C20orf96: variants seen among roughly 807,000 people sequenced by gnomAD.
C20orf96 encodes the protein chromosome 20 open reading frame 96.
In C20orf96, 57 loss-of-function variants were observed where a neutral mutation model predicts 52.6. The observed-to-expected ratio is 1.08, with a 90% CI of 0.88 to 1.35. C20orf96 has a LOEUF of 1.35. C20orf96 is among the 40% of genes most tolerant of loss of function. C20orf96 has a pLI of 0.00. For synonymous variants in C20orf96, 168 were observed against 157.2 expected, an observed-to-expected ratio of 1.07 and a Z score of -0.51; for missense variants, 478 against 443.6, an observed-to-expected ratio of 1.08 and a Z score of -0.70.
intron 10 of C20orf96, among the ~76,000 whole-genome samples, chr20:274,079 C>A (rs1417716024): frequency 6.6e-6 from 1 of 152,086 alleles, no homozygotes; most frequent in Non-Finnish European, 1.5e-5. Flanking sequence ...AATGTAGATT[C>A]ATGAGCCCCA....
At chr20:282,877 A>C (rs967087207) in intron 4 of C20orf96, among the ~76,000 whole-genome samples, 6 of 152,194 alleles carry the variant, frequency 3.9e-5, no homozygotes, top group Admixed American at 1.3e-4. Flanking sequence ...GTCTCAAAAA[A>C]AAATTTTTTT....
In C20orf96 at chr20:277,258, G is replaced by C. The variant is rs147158424; in HGVS notation, c.691C>G (p.Arg231Gly). 6.2e-7 allele frequency: 1 copy of C among 1,614,160 alleles called. No individual in the cohort carries two copies. The highest frequency in any genetic ancestry group is 1.1e-5 in the South Asian group (1 of 91,092). ...CTGTCCTTAACCTGCTGCAGCTGGCGCATAAGAGTGGAGATCTGGACAGAC... is the reference window on the plus strand; with the variant it reads ...CTGTCCTTAACCTGCTGCAGCTGGCCCATAAGAGTGGAGATCTGGACAGAC... ...IKSVQISTLM[R>G]QLQQVKDSQQ... Residue 231 changes from arginine (R) to glycine (G), a missense_variant, in exon 7 of 11, where the codon CGC becomes GGC. Physicochemically the swap from Arg to Gly is moderately radical, Grantham distance 125. Coordinates refer to ENST00000360321, the MANE Select transcript of C20orf96 (RefSeq NM_153269.3).
chr20:282,261 T>C (rs191238798), intron 4 of C20orf96, among the ~76,000 whole-genome samples: 1 of 152,312 alleles, frequency 6.6e-6, no homozygotes, highest in Admixed American at 6.5e-5. Flanking sequence ...CCTAACCTTA[T>C]TCTTAGGCTT....
Position 289,616 on chromosome 20 carries a change from G to T in C20orf96, c.130C>A (p.Gln44Lys). The change falls in exon 3 of 11, where the codon CAA (glutamine) becomes AAA (lysine). Residue 44 changes from glutamine (Q) to lysine (K), a missense_variant. Physicochemically the swap from Gln to Lys is moderately conservative, Grantham distance 53. Transcript: ENST00000360321. ...ETKPSTLPPVQQANSLHTSKM... is the reference protein window; with the variant it reads ...ETKPSTLPPVKQANSLHTSKM... ...CTTGTATGAAGGCTGTTGGCTTGTT[G>T]GACTGGAGGCAGAGTAGATGGCTTG... 6.2e-7 allele frequency: 1 copy of T among 1,614,052 alleles called. No homozygotes were observed. Among genetic ancestry groups the T allele is most frequent in the Non-Finnish European group, 8.5e-7 (1 of 1,179,970 alleles).
intron 6 of C20orf96, 123 bp downstream of exon 6, chr20:278,207 C>T: frequency 1.3e-6 from 1 of 765,842 alleles, no homozygotes; most frequent in Non-Finnish European, 2.4e-6. Context: ...GCATTCCCAT[C>T]TGCCAAGAAG....
At chr20:288,120 T>A (rs1400143729) in intron 3 of C20orf96, among the ~76,000 whole-genome samples, 1 of 150,982 alleles carries the variant, frequency 6.6e-6, no homozygotes, top group Non-Finnish European at 1.5e-5. Flanking sequence ...TTTTATTTTA[T>A]CTTTGAGCTA....
intron 2 of C20orf96, among the ~76,000 whole-genome samples, 163 bp from the exon 3 acceptor site, chr20:289,839 G>A (rs183288558): frequency 1.1e-3 from 167 of 152,278 alleles, no homozygotes; most frequent in Non-Finnish European, 1.9e-3. Context: ...GTGGATTGGC[G>A]CAAGAATTCT....
At chr20:275,680 G>A (rs1329228898) in intron 10 of C20orf96, among the ~76,000 whole-genome samples, 2 of 152,190 alleles carry the variant, frequency 1.3e-5, no homozygotes, top group Non-Finnish European at 2.9e-5. Context: ...AGAAGTGGAA[G>A]GCTGTACCCA....
chr20:289,654 G>A lies in C20orf96; in HGVS notation c.92C>T (p.Ser31Phe). ...AGTAGATGGCTTGGTTTCCTGCTTGGACTGCTGCCATGGAACATAATCCTA... is the reference window on the plus strand; with the variant it reads ...AGTAGATGGCTTGGTTTCCTGCTTGAACTGCTGCCATGGAACATAATCCTA... ...QVPDYVPWQQ[S>F]KQETKPSTLP... is the part of the protein sequence containing the mutation. The change falls in exon 3 of 11, where the codon TCC becomes TTC. Residue 31 changes from serine (S) to phenylalanine (F), a missense_variant. Physicochemically the swap from Ser to Phe is radical, Grantham distance 155. Coordinates refer to ENST00000360321, the MANE Select transcript of C20orf96 (RefSeq NM_153269.3). The A allele has an allele frequency of 6.2e-7, 1 of 1,613,852 alleles. No individual in the cohort carries two copies. The highest frequency in any genetic ancestry group is 8.5e-7 in the Non-Finnish European group (1 of 1,179,822).
chr20:274,559 T>C (rs755303670), intron 10 of C20orf96, among the ~76,000 whole-genome samples: 15 of 152,260 alleles, frequency 9.9e-5, no homozygotes, highest in Admixed American at 2.6e-4. Context: ...CTGGCCCACA[T>C]GCACCTTACC....
At position 283,951 on chromosome 20, in the gene C20orf96, T is replaced by C. The variant is rs2122301670; in HGVS notation, c.306+12A>G. 1 of 1,578,438 alleles carries C rather than the reference T, an allele frequency of 6.3e-7. No individual in the cohort carries two copies. Among genetic ancestry groups the C allele is most frequent in the Non-Finnish European group, 8.7e-7 (1 of 1,147,424 alleles). On this transcript the variant is annotated intron_variant, in intron 4 of 10. Coordinates refer to ENST00000360321, the MANE Select transcript of C20orf96 (RefSeq NM_153269.3). ...TCCTGGGCCCAGTGTCCAGGGAAGA[T>C]GTGCCTCATACCTTCATTAACCAGA...
chr20:282,094 A>C (rs541300554), intron 4 of C20orf96, among the ~76,000 whole-genome samples: 1 of 152,302 alleles, frequency 6.6e-6, no homozygotes, highest in African/African-American at 2.4e-5. Flanking sequence ...CTCCAGACCA[A>C]AATACCCAGA....
chr20:286,348 C>G (rs913168503), intron 3 of C20orf96, among the ~76,000 whole-genome samples: 2 of 151,940 alleles, frequency 1.3e-5, no homozygotes, highest in Non-Finnish European at 2.9e-5. Context: ...GAAACCCCAT[C>G]TCTACTAAAA....
intron 4 of C20orf96, among the ~76,000 whole-genome samples, chr20:279,709 C>T (rs1271749943): frequency 6.6e-6 from 1 of 152,114 alleles, no homozygotes; most frequent in South Asian, 2.1e-4. Context: ...GGGTGGCTCA[C>T]GTCTATAATC....
intron 3 of C20orf96, among the ~76,000 whole-genome samples, chr20:287,682 A>G (rs1445038130): frequency 6.6e-6 from 1 of 152,036 alleles, no homozygotes; most frequent in Non-Finnish European, 1.5e-5. Flanking sequence ...TAATCCCAGC[A>G]CTTTGGGAGG....
chr20:273,998 G>A (rs2011932738), intron 10 of C20orf96, among the ~76,000 whole-genome samples: 2 of 144,258 alleles, frequency 1.4e-5, no homozygotes, highest in Non-Finnish European at 3.0e-5. Flanking sequence ...GAGAGAGAAA[G>A]AAAGAAAGAA....
At chr20:287,576 T>C (rs748869246) in intron 3 of C20orf96, among the ~76,000 whole-genome samples, 32 of 152,184 alleles carry the variant, frequency 2.1e-4, no homozygotes, top group Non-Finnish European at 4.4e-4. Context: ...CTTTGTCAGA[T>C]ACATGGTTTG....
chr20:274,396 C>T (rs1212728931), intron 10 of C20orf96, among the ~76,000 whole-genome samples: 1 of 152,112 alleles, frequency 6.6e-6, no homozygotes, highest in Non-Finnish European at 1.5e-5. Context: ...GCAAGAAACC[C>T]GAAAGGACTC....
rs749692531 is a variant in C20orf96 at position 278,441 on chromosome 20, G to T, written c.466-12C>A. Reference sequence around the variant, plus strand: ...ATGTCGATGATGGTCTGCGGGAGGGGTGGAGTCAACTCACCCACAGGCTCT... The same window carrying T: ...ATGTCGATGATGGTCTGCGGGAGGGTTGGAGTCAACTCACCCACAGGCTCT... On this transcript the variant is annotated splice_polypyrimidine_tract_variant and intron_variant, in intron 5 of 10. Transcript: ENST00000360321. The T allele has an allele frequency of 6.2e-7, 1 of 1,608,316 alleles. No individual in the cohort carries two copies. Among genetic ancestry groups the T allele is most frequent in the East Asian group, 2.2e-5 (1 of 44,832 alleles).
Sources: gnomAD v4.1 joint callset for allele counts (sites outside exome capture counted in the v4.1 genomes callset) on GRCh38, gnomAD v4.1.1 for gene constraint, MANE v1.5 for transcripts, NCBI Gene and HGNC (gene_info 2026-07-23, HGNC 2026-07-21) for gene names.